FGF13: variants seen among roughly 807,000 people sequenced by gnomAD.
FGF13 encodes the protein fibroblast growth factor homologous factor 2.
Under a neutral mutation model 19.5 loss-of-function variants are expected in FGF13, and 2 were observed. The observed-to-expected ratio is 0.10, with a 90% CI of 0.04 to 0.32. The LOEUF is 0.32. Among genes scored for constraint, FGF13 ranks in the 10% least tolerant of loss-of-function variants. The pLI is 1.00. For missense variants in FGF13, 113 were observed against 192.7 expected (o/e 0.59, Z 2.45); for synonymous variants, 72 against 76.9 (o/e 0.94, Z 0.33).
chrX:139,064,281 C>CTTTTTTTTTTTTTTTTTT lies in FGF13; in HGVS notation c.-113+139117_-113+139134dup, dbSNP rs139084376. On this transcript the variant is annotated intron_variant, in intron 1 of 2. Transcript: ENST00000421460. ...GCATAGAGCAGAGTTCTTTTTTTTTCTTTTTTTTTTTTTTTTTTTTTTTTT... is the reference window on the plus strand; with the variant it reads ...GCATAGAGCAGAGTTCTTTTTTTTTCTTTTTTTTTTTTTTTTTTTTTTTTTTTTTTTTTTTTTTTTTTT... Among the ~76,000 whole-genome samples, 3 of 23,161 alleles carry CTTTTTTTTTTTTTTTTTT rather than the reference C, an allele frequency of 1.3e-4. 1 individual carries two copies. Among genetic ancestry groups the CTTTTTTTTTTTTTTTTTT allele is most frequent in the Non-Finnish European group, 2.0e-4 (3 of 15,024 alleles). 20.1% of individuals were successfully genotyped at this position (23,161 alleles called of 115,157 possible).
chrX:138,763,797 A>C (rs758577782), intron 3 of FGF13, among the ~76,000 whole-genome samples: 3 of 111,267 alleles, frequency 2.7e-5, no homozygotes, highest in Non-Finnish European at 5.7e-5. Context: ...TTAATAATAC[A>C]TCTTCAGCAA....
intron 3 of FGF13, among the ~76,000 whole-genome samples, chrX:138,754,967 C>T (rs2090422547): frequency 8.9e-6 from 1 of 111,761 alleles, no homozygotes; most frequent in East Asian, 2.8e-4. Context: ...TCTCCATGCA[C>T]CTTTCCCCTT....
At chrX:139,095,147 T>C (rs1603197153) in intron 1 of FGF13, among the ~76,000 whole-genome samples, 1 of 112,167 alleles carries the variant, frequency 8.9e-6, no homozygotes, top group African/African-American at 3.2e-5. Context: ...CAGCTGGATG[T>C]TGGTGTGCTC....
chrX:138,717,233 G>C (rs926897004), intron 1 of FGF13, among the ~76,000 whole-genome samples: 1 of 111,569 alleles, frequency 9.0e-6, no homozygotes, highest in Admixed American at 9.5e-5. Context: ...CAGCTTTCTG[G>C]GGCGGAGGTT....
At chrX:139,097,146 A>C (rs1446801829) in intron 1 of FGF13, among the ~76,000 whole-genome samples, 1 of 112,368 alleles carries the variant, frequency 8.9e-6, no homozygotes, top group Non-Finnish European at 1.9e-5. Flanking sequence ...ACTCAGATTA[A>C]ATCCAGGAAT....
chrX:138,708,933 A>C lies in FGF13; in HGVS notation c.188-5T>G. 9.2e-7 allele frequency: 1 copy of C among 1,092,536 alleles called. No homozygotes were observed. The highest frequency in any genetic ancestry group is 1.3e-6 in the Non-Finnish European group (1 of 793,543). 90.0% of individuals were successfully genotyped at this position (1,092,536 alleles called of 1,213,427 possible). ...CTATACCCTTAAGCTGAGGCTCTGC[A>C]AAGAGAACAATGATTTGGATCAATT... On this transcript the variant is annotated splice_polypyrimidine_tract_variant and splice_region_variant and intron_variant, in intron 1 of 4. Transcript: ENST00000315930.
rs1029923926 is a variant in FGF13 at position 138,618,018 on chromosome X, A to T, written c.*14832T>A. 10 of 111,769 alleles carry T rather than the reference A, an allele frequency of 8.9e-5. No homozygotes were observed. The highest frequency in any genetic ancestry group is 1.3e-4 in the Non-Finnish European group (7 of 53,181). 9.2% of individuals were successfully genotyped at this position (111,769 alleles called of 1,213,427 possible). On this transcript the variant is annotated 3_prime_UTR_variant, in exon 5 of 5. Coordinates refer to ENST00000315930, the MANE Select transcript of FGF13 (RefSeq NM_004114.5). ...AACAATTCCAAAATAAACTTTATTC[A>T]AGGAAAAAAATAATTAAAATATGCA...
At chrX:138,640,708 T>G (rs1240129237) in intron 3 of FGF13, among the ~76,000 whole-genome samples, 1 of 112,077 alleles carries the variant, frequency 8.9e-6, no homozygotes, top group Non-Finnish European at 1.9e-5. Flanking sequence ...TAAACACATC[T>G]CCAATACCAA....
At chrX:138,782,647 C>T (rs2090654994) in intron 3 of FGF13, among the ~76,000 whole-genome samples, 1 of 87,652 alleles carries the variant, frequency 1.1e-5, no homozygotes, top group Non-Finnish European at 2.2e-5. Context: ...CAAACCACTG[C>T]TCAAGGAAAT....
intron 1 of FGF13, among the ~76,000 whole-genome samples, chrX:139,046,103 T>C (rs148485806): frequency 0.021 from 2,335 of 111,402 alleles, 89 homozygotes; most frequent in African/African-American, 0.072. Flanking sequence ...TTCTGCAGGC[T>C]TTACAGGAAG....
At chrX:138,934,977 T>C (rs1481814382) in intron 1 of FGF13, among the ~76,000 whole-genome samples, 1 of 110,492 alleles carries the variant, frequency 9.1e-6, no homozygotes, top group Non-Finnish European at 1.9e-5. Context: ...TGTGATAAAA[T>C]TTTCTCCCTC....
intron 3 of FGF13, among the ~76,000 whole-genome samples, chrX:138,666,812 G>T (rs930593114): frequency 9.0e-5 from 10 of 110,553 alleles, no homozygotes; most frequent in African/African-American, 3.3e-4. Flanking sequence ...ACTTTTTTAA[G>T]AATTCAAGTG....
rs1479324904 is a variant in FGF13 at position 139,151,841 on chromosome X, T to C, written c.-113+51575A>G. On this transcript the variant is annotated intron_variant, in intron 1 of 2. Transcript: ENST00000421460. ...AACTGCAAACGTTAGTCATTCTTAA[T>C]CCTTCATGTTATAAAAAGAGTAAGT... Among the ~76,000 whole-genome samples, 2 of 112,045 alleles carry C rather than the reference T, an allele frequency of 1.8e-5. 1 individual carries two copies. Among genetic ancestry groups the C allele is most frequent in the African/African-American group, 6.5e-5 (2 of 30,888 alleles).
At chrX:138,928,532 G>GA (rs2091685144) in intron 1 of FGF13, among the ~76,000 whole-genome samples, 1 of 110,515 alleles carries the variant, frequency 9.0e-6, no homozygotes, top group Non-Finnish European at 1.9e-5. Context: ...CTCTCAGAAA[G>GA]AAAAAGACCC....
At chrX:139,117,286 G>A (rs937396696) in intron 1 of FGF13, among the ~76,000 whole-genome samples, 1 of 111,429 alleles carries the variant, frequency 9.0e-6, no homozygotes, top group Non-Finnish European at 1.9e-5. Flanking sequence ...ATCTTACAAT[G>A]CACATGACGG....
chrX:138,762,052 T>G (rs2090471312), intron 3 of FGF13, among the ~76,000 whole-genome samples: 1 of 109,847 alleles, frequency 9.1e-6, no homozygotes, highest in Admixed American at 9.9e-5. Context: ...CATTGATAAT[T>G]AAGTGTATCT....
chrX:138,887,292 T>C (rs142893269), intron 1 of FGF13, among the ~76,000 whole-genome samples: 1,925 of 111,866 alleles, frequency 0.017, 44 homozygotes, highest in African/African-American at 0.058. Flanking sequence ...GCTATGATTG[T>C]CACACAGATG....
chrX:139,002,284 C>T (rs748813918), intron 1 of FGF13, among the ~76,000 whole-genome samples: 1 of 110,824 alleles, frequency 9.0e-6, no homozygotes, highest in African/African-American at 3.3e-5. Flanking sequence ...CACATGTATA[C>T]CTATGTAAAC....
intron 1 of FGF13, among the ~76,000 whole-genome samples, chrX:138,921,168 C>A (rs1321386260): frequency 1.8e-5 from 2 of 111,814 alleles, no homozygotes. Context: ...ACCTACCAAA[C>A]CACTAAGTAT....
Sources: allele counts gnomAD v4.1 joint callset (sites outside exome capture counted in the v4.1 genomes callset), GRCh38; gene constraint gnomAD v4.1.1; transcripts MANE v1.5; gene names NCBI Gene and HGNC (gene_info 2026-07-23, HGNC 2026-07-21).